Variants in EML5 observed in about 807,000 individuals in gnomAD.
The protein encoded by EML5 is EMAP like 5.
In EML5, 120 loss-of-function variants were observed where a neutral mutation model predicts 250.0. The ratio of observed to expected loss-of-function variants is 0.48; its 90% CI spans 0.41 to 0.56. EML5 has a LOEUF of 0.56. EML5 is among the 20% of genes least tolerant of loss of function. The probability of loss-of-function intolerance (pLI) is 0.00; values close to 1 mark genes in which losing one functional copy is unlikely to be tolerated. For synonymous variants in EML5, 771 were observed against 806.5 expected, an observed-to-expected ratio of 0.96 and a Z score of 0.75; for missense variants, 2,006 against 2,437.6, an observed-to-expected ratio of 0.82 and a Z score of 3.73.
At chr14:88,641,837 C>T (rs1231763166) in intron 31 of EML5, among the ~76,000 whole-genome samples, 1 of 152,116 alleles carries the variant, frequency 6.6e-6, no homozygotes, top group Non-Finnish European at 1.5e-5. Flanking sequence ...AATTACAAAT[C>T]AGAAAAGTAA....
In EML5 at chr14:88,792,862, G is replaced by C. The variant is rs2094624389; in HGVS notation, c.-359C>G. The C allele has an allele frequency of 2.0e-6, 1 of 501,744 alleles. No individual in the cohort carries two copies. Among genetic ancestry groups the C allele is most frequent in the Non-Finnish European group, 2.6e-6 (1 of 387,142 alleles). The allele number at this position is 501,744 out of a possible 1,614,324, so 31.1% of individuals were successfully genotyped here. Reference sequence around the variant, plus strand: ...CCGCCGCCCGCGCACGCAGCTCCCAGCCCCGGTCACCTGCGGCGCTCGCGC... The same window carrying C: ...CCGCCGCCCGCGCACGCAGCTCCCACCCCCGGTCACCTGCGGCGCTCGCGC... On this transcript the variant is annotated 5_prime_UTR_variant, in exon 1 of 44. Transcript: ENST00000554922. This position sits in a 1 kb window ranked among gnomAD's most constrained non-coding sequence, Gnocchi z 6.9.
In EML5 at chr14:88,771,911, C is replaced by T. The variant is rs995409932; in HGVS notation, c.198-17240G>A. ...AAAGTGTATGAGGGCTTTGTCTTGGCTGTTTTCCCTTCCTTTCCCAGGTGA... is the reference window on the plus strand; with the variant it reads ...AAAGTGTATGAGGGCTTTGTCTTGGTTGTTTTCCCTTCCTTTCCCAGGTGA... On this transcript the variant is annotated intron_variant, in intron 1 of 43. Transcript: ENST00000554922. Among the ~76,000 whole-genome samples the T allele has an allele frequency of 7.9e-5, 12 of 152,164 alleles. No homozygotes were observed. The East Asian group carries it at 1.9e-3, about 24-fold the overall frequency.
At chr14:88,773,378 CAG>C (rs1352550151) in intron 1 of EML5, among the ~76,000 whole-genome samples, 4 of 152,214 alleles carry the variant, frequency 2.6e-5, no homozygotes, top group Non-Finnish European at 4.4e-5. Context: ...AATCTCCAAA[CAG>C]GGAATATCCA....
intron 32 of EML5, among the ~76,000 whole-genome samples, chr14:88,635,817 G>A (rs1595303546): frequency 6.6e-6 from 1 of 152,236 alleles, no homozygotes; most frequent in East Asian, 1.9e-4. Context: ...AGGTTATGAG[G>A]ATGGAGCCCT....
rs563833312 is a variant in EML5 at position 88,687,110 on chromosome 14, C to T, written c.2854+106G>A. The stretch of plus-strand genomic sequence containing the variant: ...TCTTCCACTTAATTCTGATGCCCAA[C>T]AAGACGGAAAAATACATGCCATGTG... On this transcript the variant is annotated intron_variant, in intron 19 of 43. Transcript: ENST00000554922. The T allele has an allele frequency of 3.6e-6, 3 of 843,334 alleles. No individual in the cohort carries two copies. The South Asian group carries it at 5.2e-5, about 15-fold the overall frequency. 52.2% of individuals were successfully genotyped at this position (843,334 alleles called of 1,614,324 possible).
At chr14:88,682,247 C>T (rs1462017870) in intron 20 of EML5, among the ~76,000 whole-genome samples, 5 of 151,998 alleles carry the variant, frequency 3.3e-5, no homozygotes, top group Non-Finnish European at 7.4e-5. Context: ...AATCAAGCTA[C>T]AATTAAAGTT....
At position 88,642,850 on chromosome 14, in the gene EML5, G is replaced by A. The variant is rs747971407; in HGVS notation, c.4237+43C>T. 4.5e-6 allele frequency: 7 copies of A among 1,550,718 alleles called. No homozygotes were observed. In the African/African-American group the frequency reaches 8.4e-5, roughly 19 times the overall value. ...TAAGCTGCTAGATCAAAATTTCTAA[G>A]TTAAAAAAATTGATAGAGGGATGGA... On this transcript the variant is annotated intron_variant, in intron 31 of 43. Transcript: ENST00000554922.
At chr14:88,722,545 A>G (rs932520524) in intron 8 of EML5, among the ~76,000 whole-genome samples, 4 of 152,136 alleles carry the variant, frequency 2.6e-5, no homozygotes, top group Admixed American at 2.6e-4. Context: ...ATTCTCGTTT[A>G]TAAGTGGGAG....
chr14:88,665,814 G>A (rs1035038543), intron 21 of EML5, among the ~76,000 whole-genome samples: 1 of 152,006 alleles, frequency 6.6e-6, no homozygotes, highest in Non-Finnish European at 1.5e-5. Context: ...AAGCTGAGGC[G>A]GGAGGACTGT....
intron 2 of EML5, among the ~76,000 whole-genome samples, chr14:88,749,935 TCAG>T (rs2094066529): frequency 6.6e-6 from 1 of 151,968 alleles, no homozygotes; most frequent in Non-Finnish European, 1.5e-5. Flanking sequence ...AGAGCAGGGG[TCAG>T]CAAAGTACAA....
intron 27 of EML5, among the ~76,000 whole-genome samples, chr14:88,651,154 CTTT>C (rs869045980): frequency 4.3e-4 from 40 of 93,136 alleles, no homozygotes; most frequent in African/African-American, 7.8e-4. Context: ...TTGTCATTTT[CTTT>C]TTTTTTTTTT....
In EML5 at chr14:88,620,752, A is replaced by G; in HGVS notation, c.5375+2T>C. 6.3e-7 allele frequency: 1 copy of G among 1,581,826 alleles called. No individual in the cohort carries two copies. The highest frequency in any genetic ancestry group is 8.6e-7 in the Non-Finnish European group (1 of 1,168,918). The stretch of plus-strand genomic sequence containing the variant: ...GAAACTCTATTCCATTTGTTCACTA[A>G]CCTGATATCATGGATTGCACATCTC... On this transcript the variant is annotated splice_donor_variant, in intron 39 of 43. Transcript: ENST00000554922. LOFTEE classifies it high-confidence loss of function. The surrounding 1 kb of genome is among the most constrained non-coding windows in gnomAD (Gnocchi z 4.3).
chr14:88,772,476 G>A lies in EML5; in HGVS notation c.198-17805C>T, dbSNP rs138003247. 2.9e-3 allele frequency among the ~76,000 whole-genome samples: 448 copies of A among 152,250 alleles called. 3 individuals carry two copies. The highest frequency in any genetic ancestry group is 0.01 in the African/African-American group (433 of 41,524). Reference sequence around the variant, plus strand: ...TCAAGCCTTTGTAAGATATACCTTCGGCCGGACGAGGTAGCTCATGCCTGT... The same window carrying A: ...TCAAGCCTTTGTAAGATATACCTTCAGCCGGACGAGGTAGCTCATGCCTGT... On this transcript the variant is annotated intron_variant, in intron 1 of 43. Coordinates refer to ENST00000554922, the MANE Select transcript of EML5 (RefSeq NM_183387.3).
rs1327848965 is a variant in EML5 at position 88,613,374 on chromosome 14, C to G, written c.*2444G>C. On this transcript the variant is annotated 3_prime_UTR_variant, in exon 44 of 44. Coordinates refer to ENST00000554922, the MANE Select transcript of EML5 (RefSeq NM_183387.3). Reference sequence around the variant, plus strand: ...AATTTATTTTAAATTGTTTAAATATCTGGAAATACTTTTAGCTATCATTTA... The same window carrying G: ...AATTTATTTTAAATTGTTTAAATATGTGGAAATACTTTTAGCTATCATTTA... 6.6e-6 allele frequency: 1 copy of G among 152,032 alleles called. No individual in the cohort carries two copies. The highest frequency in any genetic ancestry group is 1.5e-5 in the Non-Finnish European group (1 of 68,018). The allele number at this position is 152,032 out of a possible 1,614,324, so 9.4% of individuals were successfully genotyped here.
rs143028608 is a variant in EML5, at chr14:88,790,928, T to C, written c.197+1379A>G. On this transcript the variant is annotated intron_variant, in intron 1 of 43. Transcript: ENST00000554922. ...AATCACCACGATACAGAGTCCCAGC[T>C]TGAGAAAAATGAAATGACTTATCAG... is the stretch of plus-strand genomic sequence containing the variant. Among the ~76,000 whole-genome samples the C allele has an allele frequency of 5.5e-4, 83 of 152,290 alleles. 2 individuals are homozygous for C. In the East Asian group the frequency reaches 9.1e-3, roughly 17 times the overall value.
rs567951833 is a variant in EML5 at position 88,629,206 on chromosome 14, A to G, written c.4358-1387T>C. Among the ~76,000 whole-genome samples, 389 of 152,262 alleles carry G rather than the reference A, an allele frequency of 2.6e-3. 1 individual carries two copies. Among genetic ancestry groups the G allele is most frequent in the Non-Finnish European group, 4.6e-3 (313 of 67,972 alleles). Reference sequence around the variant, plus strand: ...ATTCACATGTTATATTTGCCAAATCATGATGAGGTAGACAATAGATTTTCA... The same window carrying G: ...ATTCACATGTTATATTTGCCAAATCGTGATGAGGTAGACAATAGATTTTCA... On this transcript the variant is annotated intron_variant, in intron 33 of 43. Coordinates refer to ENST00000554922, the MANE Select transcript of EML5 (RefSeq NM_183387.3).
intron 21 of EML5, among the ~76,000 whole-genome samples, chr14:88,671,336 T>C (rs1183347206): frequency 6.6e-6 from 1 of 152,142 alleles, no homozygotes; most frequent in African/African-American, 2.4e-5. Flanking sequence ...ATAAACTCCT[T>C]TTTAGACAAG....
chr14:88,768,122 T>A (rs2094343923), intron 1 of EML5, among the ~76,000 whole-genome samples: 1 of 152,206 alleles, frequency 6.6e-6, no homozygotes, highest in Non-Finnish European at 1.5e-5. Context: ...GGGTTATGCA[T>A]TTTGGGTAAA....
Position 88,792,654 on chromosome 14 carries a change from G to A in EML5, c.-151C>T. On this transcript the variant is annotated 5_prime_UTR_variant, in exon 1 of 44. Coordinates refer to ENST00000554922, the MANE Select transcript of EML5 (RefSeq NM_183387.3). This position sits in a 1 kb window ranked among gnomAD's most constrained non-coding sequence, Gnocchi z 6.9. ...GCCCGTCAGGTGCATCTCGTTTCGG[G>A]GGCCGCCGCCGCCTCAGCCCACAGG... 2.6e-6 allele frequency: 3 copies of A among 1,151,136 alleles called. No individual in the cohort carries two copies. The highest frequency in any genetic ancestry group is 3.2e-6 in the Non-Finnish European group (3 of 937,180). 71.3% of individuals were successfully genotyped at this position (1,151,136 alleles called of 1,614,324 possible). A position where few individuals can be genotyped will look rare whatever the true frequency, so the allele number is the denominator to read the frequency against.
Sources: allele counts gnomAD v4.1 joint callset (sites outside exome capture counted in the v4.1 genomes callset), GRCh38; gene constraint gnomAD v4.1.1; non-coding constraint Gnocchi (gnomAD v3.1); transcripts MANE v1.5; gene names NCBI Gene and HGNC (gene_info 2026-07-23, HGNC 2026-07-21).